SERPINA12: variants seen among roughly 807,000 people sequenced by gnomAD.
SERPINA12 encodes the protein serpin family A member 12.
Under a neutral mutation model 25.9 loss-of-function variants are expected in SERPINA12, and 21 were observed. The ratio of observed to expected loss-of-function variants is 0.81; its 90% CI spans 0.58 to 1.17. The LOEUF (loss-of-function observed/expected upper bound fraction) is 1.17, where lower values mean the gene tolerates loss of function less well. Among genes scored for constraint, SERPINA12 ranks in the 50% most tolerant of loss-of-function variants. The pLI, the probability that SERPINA12 is intolerant of heterozygous loss-of-function variation, is 0.00. For synonymous variants in SERPINA12, 220 were observed against 196.0 expected (o/e 1.12, Z -1.02); for missense variants, 562 against 508.3 (o/e 1.11, Z -1.02).
chr14:94,503,540 C>T (rs984985480), intron 1 of SERPINA12, among the ~76,000 whole-genome samples: 1 of 152,182 alleles, frequency 6.6e-6, no homozygotes. Context: ...CCTCCCCTTC[C>T]GTGACTGCAT....
upstream of SERPINA12, chr14:94,510,258 A>T (rs1901074336): frequency 1.0e-6 from 1 of 985,328 alleles, no homozygotes; most frequent in African/African-American, 1.7e-5. Flanking sequence ...TTAAAATAAT[A>T]TAGACCCAAG....
rs775336614 is a variant in SERPINA12, at chr14:94,496,615, AT to A, written c.662del (p.Asn221MetfsTer2). 1 of 1,614,076 alleles carries A rather than the reference AT, an allele frequency of 6.2e-7. No individual in the cohort carries two copies. The highest frequency in any genetic ancestry group is 2.2e-5 in the East Asian group (1 of 44,890). On this transcript the variant is annotated frameshift_variant, in exon 3 of 5. Coordinates refer to ENST00000677451, the MANE Select transcript of SERPINA12 (RefSeq NM_001382267.1). LOFTEE classifies it high-confidence loss of function. ...RARWKHEFDPNVTKEEDFFLE... is the reference protein window; with the variant it reads ...RARWKHEFDPXVTKEEDFFLE... ...GAAAGAAATCTTCCTCTTTAGTTAC[AT>A]TTGGATCAAACTCATGTTTCCACCT...
At chr14:94,500,943 G>T in intron 1 of SERPINA12, 3 of 981,298 alleles carry the variant, frequency 3.1e-6, no homozygotes, top group Non-Finnish European at 3.6e-6. Context: ...TCATGCCTTC[G>T]TAGCTGTGTG....
intron 1 of SERPINA12, among the ~76,000 whole-genome samples, chr14:94,500,426 C>T (rs1009330122): frequency 6.6e-6 from 1 of 152,174 alleles, no homozygotes; most frequent in African/African-American, 2.4e-5. Context: ...CCCCTCCCAG[C>T]TCCAAGGGAG....
upstream of SERPINA12, chr14:94,509,966 G>A (rs1901065856): frequency 5.1e-6 from 5 of 985,308 alleles, no homozygotes; most frequent in African/African-American, 1.7e-5. Context: ...TGGCACAGAT[G>A]TTCACATGGC....
intron 1 of SERPINA12, among the ~76,000 whole-genome samples, chr14:94,504,631 C>T (rs560942221): frequency 6.6e-6 from 1 of 152,238 alleles, no homozygotes; most frequent in Admixed American, 6.5e-5. Context: ...AGTTCGAGGA[C>T]AGACAAATAG....
upstream of SERPINA12, chr14:94,510,028 C>T (rs984228245): frequency 1.0e-6 from 1 of 985,314 alleles, no homozygotes; most frequent in African/African-American, 1.7e-5. Context: ...ATCCATCCAA[C>T]CCCACCCCAC....
intron 2 of SERPINA12, among the ~76,000 whole-genome samples, chr14:94,497,159 G>A (rs1900464093): frequency 6.6e-6 from 1 of 152,184 alleles, no homozygotes; most frequent in Non-Finnish European, 1.5e-5. Flanking sequence ...GTTCTGTGTG[G>A]TGTTGGGGGA....
At chr14:94,503,078 A>G (rs549887842) in intron 1 of SERPINA12, among the ~76,000 whole-genome samples, 47 of 152,364 alleles carry the variant, frequency 3.1e-4, no homozygotes, top group African/African-American at 1.1e-3. Context: ...TTGAAGAGCC[A>G]CTTCAGGCCT....
chr14:94,516,765 T>A (rs368913700), intron 1 of SERPINA12, among the ~76,000 whole-genome samples: 1 of 152,156 alleles, frequency 6.6e-6, no homozygotes, highest in East Asian at 1.9e-4. Flanking sequence ...TGACCCCAGG[T>A]CCTAATTCCA....
intron 3 of SERPINA12, among the ~76,000 whole-genome samples, chr14:94,492,925 G>A (rs936829060): frequency 2.6e-5 from 4 of 152,206 alleles, no homozygotes; most frequent in African/African-American, 7.2e-5. Flanking sequence ...CAAATCCAAA[G>A]CAGGTGTCTG....
intron 1 of SERPINA12, among the ~76,000 whole-genome samples, chr14:94,502,050 G>C (rs189007264): frequency 6.6e-6 from 1 of 151,664 alleles, no homozygotes; most frequent in Admixed American, 6.6e-5. Context: ...GTGTGTGTGT[G>C]TGTATCTGTG....
At chr14:94,503,419 T>C (rs1900814239) in intron 1 of SERPINA12, 1 of 582,494 alleles carries the variant, frequency 1.7e-6, no homozygotes, top group South Asian at 7.4e-5. Flanking sequence ...ACTAGAGCAA[T>C]GCCCAGGAAA....
At chr14:94,495,621 T>C (rs1016082662) in intron 3 of SERPINA12, among the ~76,000 whole-genome samples, 1 of 152,074 alleles carries the variant, frequency 6.6e-6, no homozygotes, top group Non-Finnish European at 1.5e-5. Flanking sequence ...AGGGACAAGG[T>C]GGAAGAGGGA....
chr14:94,495,730 C>T (rs947622141), intron 3 of SERPINA12, among the ~76,000 whole-genome samples: 1 of 152,150 alleles, frequency 6.6e-6, no homozygotes, highest in Non-Finnish European at 1.5e-5. Context: ...GCCACTAGCC[C>T]AGCCACTTTC....
At chr14:94,504,019 T>A (rs1466948935) in intron 1 of SERPINA12, 2 of 152,260 alleles carry the variant, frequency 1.3e-5, no homozygotes, top group African/African-American at 4.8e-5. Flanking sequence ...AGAATTTTCC[T>A]TTCATACACC....
chr14:94,511,566 G>A (rs374206894), upstream of SERPINA12: 238 of 985,380 alleles, frequency 2.4e-4, no homozygotes, highest in Non-Finnish European at 2.7e-4. Context: ...GGGTTGGTTC[G>A]TGCAGCCCAG....
chr14:94,506,810 A>T (rs1900944463), intron 1 of SERPINA12, among the ~76,000 whole-genome samples: 1 of 152,220 alleles, frequency 6.6e-6, no homozygotes, highest in Admixed American at 6.5e-5. Context: ...TCTCCAGGGG[A>T]TTTAATGAGT....
Position 94,487,314 on chromosome 14 carries a change from T to C in SERPINA12, c.1234A>G (p.Ile412Val), listed in dbSNP as rs1171472204. 6 of 1,613,146 alleles carry C rather than the reference T, an allele frequency of 3.7e-6. No individual in the cohort carries two copies. The Admixed American group carries it at 5.0e-5, about 13-fold the overall frequency. ...VLFLGKIVNP[I>V]GK ...GCAGGAATTCTCCTTTATTTTCCAA[T>C]AGGGTTAACAATCTTTCCCAGGAAG... Residue 412 changes from isoleucine (I) to valine (V), a missense_variant, in exon 5 of 5, where the codon ATT (isoleucine) becomes GTT (valine). Physicochemically the swap from Ile to Val is conservative, Grantham distance 29. Transcript: ENST00000677451.
Sources: allele counts gnomAD v4.1 joint callset (sites outside exome capture counted in the v4.1 genomes callset), GRCh38; gene constraint gnomAD v4.1.1; transcripts MANE v1.5; gene names NCBI Gene and HGNC (gene_info 2026-07-23, HGNC 2026-07-21).